NR2F1-AS1: variants seen among roughly 807,000 people sequenced by gnomAD.
NR2F1-AS1 encodes the protein NR2F1 regulatory antisense RNA 1.
In NR2F1-AS1 at chr5:93,457,693, A is replaced by G. The variant is rs1749982555; in HGVS notation, n.639-62151T>C. ...GCACACACCGTTGATACAATCATCA[A>G]AGCTGCAAACAGCATGTTCTCTGAA... is the stretch of plus-strand genomic sequence containing the variant. On this transcript the variant is annotated intron_variant and non_coding_transcript_variant, in intron 4 of 5. Transcript: ENST00000660523. Among the ~76,000 whole-genome samples the G allele has an allele frequency of 2.0e-5, 3 of 151,900 alleles. No individual in the cohort carries two copies. In the South Asian group the frequency reaches 6.2e-4, roughly 32 times the overall value.
intron 4 of NR2F1-AS1, among the ~76,000 whole-genome samples, chr5:93,454,934 T>C (rs2149859552): frequency 6.6e-6 from 1 of 152,350 alleles, no homozygotes; most frequent in South Asian, 2.1e-4. Flanking sequence ...TGTTTATCTA[T>C]ATCCTTTGTA....
At chr5:93,561,192 G>A (rs1484560378) in intron 2 of NR2F1-AS1, among the ~76,000 whole-genome samples, 1 of 152,120 alleles carries the variant, frequency 6.6e-6, no homozygotes, top group East Asian at 1.9e-4. Context: ...AGAATCACTT[G>A]AACCTCGGAG....
At chr5:93,428,780 A>G (rs1229292167) in intron 4 of NR2F1-AS1, among the ~76,000 whole-genome samples, 1 of 152,226 alleles carries the variant, frequency 6.6e-6, no homozygotes, top group Admixed American at 6.5e-5. Context: ...TTTAAACCCT[A>G]TACTTGCATT....
intron 4 of NR2F1-AS1, among the ~76,000 whole-genome samples, chr5:93,442,184 CT>C (rs1749585401): frequency 6.6e-6 from 1 of 152,184 alleles, no homozygotes. Context: ...GTTCATCTCA[CT>C]GGGGCTTGTC....
At chr5:93,546,348 C>G (rs1752086565) in intron 4 of NR2F1-AS1, among the ~76,000 whole-genome samples, 1 of 151,930 alleles carries the variant, frequency 6.6e-6, no homozygotes, top group African/African-American at 2.4e-5. Flanking sequence ...AAACTCTTCT[C>G]AAAAATTTCT....
intron 4 of NR2F1-AS1, among the ~76,000 whole-genome samples, chr5:93,506,383 T>C (rs1457020131): frequency 1.3e-5 from 2 of 152,196 alleles, no homozygotes; most frequent in Non-Finnish European, 2.9e-5. Flanking sequence ...CTGTTACCCA[T>C]TTCCAAAGTC....
At chr5:93,534,613 A>T (rs928672369) in intron 4 of NR2F1-AS1, among the ~76,000 whole-genome samples, 1 of 152,210 alleles carries the variant, frequency 6.6e-6, no homozygotes, top group African/African-American at 2.4e-5. Context: ...CTTAGTGTCC[A>T]TAAATACATT....
intron 4 of NR2F1-AS1, among the ~76,000 whole-genome samples, chr5:93,496,387 A>C (rs1226054968): frequency 1.3e-5 from 2 of 152,154 alleles, no homozygotes; most frequent in African/African-American, 4.8e-5. Context: ...CTATTCAAAA[A>C]ATCAGCATGT....
At chr5:93,464,418 A>C (rs1750175161) in intron 4 of NR2F1-AS1, among the ~76,000 whole-genome samples, 1 of 152,196 alleles carries the variant, frequency 6.6e-6, no homozygotes, top group South Asian at 2.1e-4. Context: ...ATTTACTAGA[A>C]AATTAGAAAA....
chr5:93,483,795 G>A (rs1326281864), intron 4 of NR2F1-AS1, among the ~76,000 whole-genome samples: 7 of 152,114 alleles, frequency 4.6e-5, no homozygotes, highest in South Asian at 2.1e-4. Context: ...TAAGAACTTC[G>A]TGAAGCTTAC....
At chr5:93,521,653 C>T (rs2149895648) in intron 4 of NR2F1-AS1, among the ~76,000 whole-genome samples, 1 of 152,210 alleles carries the variant, frequency 6.6e-6, no homozygotes, top group Admixed American at 6.5e-5. Context: ...CAAATCAAAA[C>T]CACAATGAGA....
chr5:93,513,630 A>G (rs940702237), intron 4 of NR2F1-AS1, among the ~76,000 whole-genome samples: 1 of 152,110 alleles, frequency 6.6e-6, no homozygotes, highest in Non-Finnish European at 1.5e-5. Flanking sequence ...AAAGACAGCA[A>G]CAATAGACAC....
intron 4 of NR2F1-AS1, among the ~76,000 whole-genome samples, chr5:93,478,591 A>G (rs898943661): frequency 1.3e-5 from 2 of 151,982 alleles, no homozygotes; most frequent in African/African-American, 4.8e-5. Flanking sequence ...TTTAGTAGAG[A>G]TGGGGTTTCA....
At chr5:93,416,235 A>G (rs1209350973) in intron 4 of NR2F1-AS1, among the ~76,000 whole-genome samples, 1 of 152,216 alleles carries the variant, frequency 6.6e-6, no homozygotes, top group Non-Finnish European at 1.5e-5. Context: ...CTACTTATAT[A>G]TAAAGTTCCA....
At chr5:93,487,119 G>A (rs1215567811) in intron 4 of NR2F1-AS1, among the ~76,000 whole-genome samples, 1 of 152,108 alleles carries the variant, frequency 6.6e-6, no homozygotes, top group Non-Finnish European at 1.5e-5. Context: ...AGCTATTTAT[G>A]ACAAACCCAC....
intron 4 of NR2F1-AS1, among the ~76,000 whole-genome samples, chr5:93,457,274 G>C (rs993567583): frequency 6.6e-6 from 1 of 152,148 alleles, no homozygotes; most frequent in Non-Finnish European, 1.5e-5. Flanking sequence ...AGAGGTCCCT[G>C]CAGCCTTCCA....
rs545069983 is a variant in NR2F1-AS1 at position 93,507,448 on chromosome 5, C to A, written n.638+46313G>T. 6.1e-4 allele frequency among the ~76,000 whole-genome samples: 93 copies of A among 152,258 alleles called. 1 individual carries two copies. The highest frequency in any genetic ancestry group is 2.0e-3 in the African/African-American group (84 of 41,558). ...TCTCGGCTCACTGCAACCTCTGCCT[C>A]CCAGGTTCAAGCGACTCTCCCACCT... is the stretch of plus-strand genomic sequence containing the variant. On this transcript the variant is annotated intron_variant and non_coding_transcript_variant, in intron 4 of 5. Coordinates refer to ENST00000660523, the Ensembl canonical transcript of NR2F1-AS1.
chr5:93,524,337 C>T (rs999992082), intron 4 of NR2F1-AS1, among the ~76,000 whole-genome samples: 1 of 152,008 alleles, frequency 6.6e-6, no homozygotes, highest in African/African-American at 2.4e-5. Flanking sequence ...AACAAAGCCT[C>T]CAAGAAATAG....
At chr5:93,539,649 G>T (rs1485123690) in intron 4 of NR2F1-AS1, among the ~76,000 whole-genome samples, 2 of 152,102 alleles carry the variant, frequency 1.3e-5, no homozygotes, top group African/African-American at 4.8e-5. Context: ...GTCAATGGGT[G>T]CAAAGTTACA....
Sources: gnomAD v4.1 joint callset for allele counts (sites outside exome capture counted in the v4.1 genomes callset) on GRCh38, gnomAD v4.1.1 for gene constraint, MANE v1.5 for transcripts, NCBI Gene and HGNC (gene_info 2026-07-23, HGNC 2026-07-21) for gene names.